The following HAPLN1 variants were observed in gnomAD, a reference collection of about 807,000 sequenced individuals.
HAPLN1 encodes the protein Cartilage link protein.
A neutral mutation model predicts 36.5 loss-of-function variants in HAPLN1; 13 were observed. That is an observed-to-expected ratio of 0.36 (90% CI 0.23 to 0.57). The LOEUF (loss-of-function observed/expected upper bound fraction) is 0.57, where lower values mean the gene tolerates loss of function less well. Ranked by LOEUF, HAPLN1 falls within the 20% of genes least tolerant of loss-of-function variation. The probability of loss-of-function intolerance (pLI) is 0.83; values close to 1 mark genes in which losing one functional copy is unlikely to be tolerated. For synonymous variants in HAPLN1, 202 were observed against 169.8 expected (o/e 1.19, Z -1.48); for missense variants, 407 against 439.7 (o/e 0.93, Z 0.66).
intron 1 of HAPLN1, among the ~76,000 whole-genome samples, chr5:83,703,168 A>G (rs909114577): frequency 4.6e-5 from 7 of 152,152 alleles, no homozygotes; most frequent in African/African-American, 1.7e-4. Flanking sequence ...CGTTAACTCC[A>G]TCTGAGATGC....
rs914078485 is a variant in HAPLN1, at chr5:83,639,253, C to A, written c.*2243G>T. ...CAAAATGAGAAGAAAAAATTCTGCTCAGCAGTATTCACTGTGTTAAGATTT... is the reference window on the plus strand; with the variant it reads ...CAAAATGAGAAGAAAAAATTCTGCTAAGCAGTATTCACTGTGTTAAGATTT... On this transcript the variant is annotated 3_prime_UTR_variant, in exon 5 of 5. Transcript: ENST00000274341. 6.6e-6 allele frequency: 1 copy of A among 151,976 alleles called. No homozygotes were observed. Among genetic ancestry groups the A allele is most frequent in the Non-Finnish European group, 1.5e-5 (1 of 67,900 alleles). 9.4% of individuals were successfully genotyped at this position (151,976 alleles called of 1,614,324 possible). A position where few individuals can be genotyped will look rare whatever the true frequency, so the allele number is the denominator to read the frequency against.
At chr5:83,719,710 A>G (rs1030020943) in intron 1 of HAPLN1, among the ~76,000 whole-genome samples, 1 of 152,250 alleles carries the variant, frequency 6.6e-6, no homozygotes, top group Non-Finnish European at 1.5e-5. Context: ...AAATACTGAA[A>G]TGACTGAAAT....
At chr5:83,713,941 A>T (rs1196170964) in intron 1 of HAPLN1, among the ~76,000 whole-genome samples, 1 of 152,190 alleles carries the variant, frequency 6.6e-6, no homozygotes, top group Non-Finnish European at 1.5e-5. Flanking sequence ...TACTGTAGTG[A>T]TTATCATTTA....
chr5:83,701,082 C>G (rs901398482), intron 1 of HAPLN1, among the ~76,000 whole-genome samples: 3 of 152,124 alleles, frequency 2.0e-5, no homozygotes, highest in African/African-American at 7.2e-5. Flanking sequence ...TCTTATAGTT[C>G]CAAGGCTCAA....
At chr5:83,676,612 C>T (rs961266614) in intron 1 of HAPLN1, among the ~76,000 whole-genome samples, 1 of 152,168 alleles carries the variant, frequency 6.6e-6, no homozygotes, top group Admixed American at 6.5e-5. Flanking sequence ...AGTAGGTGGT[C>T]ATGTGAGTAA....
chr5:83,681,859 T>C (rs1751010224), intron 1 of HAPLN1, among the ~76,000 whole-genome samples: 1 of 152,204 alleles, frequency 6.6e-6, no homozygotes, highest in Non-Finnish European at 1.5e-5. Context: ...TTAGGACTGC[T>C]TTTAAATGTA....
At chr5:83,675,948 CT>C (rs984418092) in intron 1 of HAPLN1, among the ~76,000 whole-genome samples, 2 of 152,098 alleles carry the variant, frequency 1.3e-5, no homozygotes, top group African/African-American at 4.8e-5. Flanking sequence ...CTTTTGTTGC[CT>C]TTTTAAATTC....
chr5:83,682,519 C>A (rs1042621871), intron 1 of HAPLN1: 1 of 152,172 alleles, frequency 6.6e-6, no homozygotes, highest in African/African-American at 2.4e-5. Flanking sequence ...TCTGTTCTCT[C>A]CAATGCACTT....
At chr5:83,645,741 A>AT (rs1028452550) in intron 3 of HAPLN1, among the ~76,000 whole-genome samples, 3 of 151,528 alleles carry the variant, frequency 2.0e-5, no homozygotes, top group Non-Finnish European at 4.4e-5. Flanking sequence ...CCTTAATCTT[A>AT]TTTTTTTTCC....
chr5:83,654,861 C>G (rs1475534465), intron 2 of HAPLN1, among the ~76,000 whole-genome samples: 1 of 152,112 alleles, frequency 6.6e-6, no homozygotes, highest in Non-Finnish European at 1.5e-5. Context: ...AGTTGTGCAG[C>G]CTCTAAGCCC....
At position 83,674,273 on chromosome 5, in the gene HAPLN1, A is replaced by G. The variant is rs1750809004; in HGVS notation, c.-26-724T>C. The stretch of plus-strand genomic sequence containing the variant: ...CTAAAATGCTGACGCACCAACTTAG[A>G]GTGCCAGGTAGGGTCTCTGCAGTCA... On this transcript the variant is annotated intron_variant, in intron 1 of 4. Transcript: ENST00000274341. 3 of 152,282 alleles carry G rather than the reference A, an allele frequency of 2.0e-5. No individual in the cohort carries two copies. The South Asian group carries it at 6.2e-4, about 32-fold the overall frequency. 9.4% of individuals were successfully genotyped at this position (152,282 alleles called of 1,614,324 possible).
At chr5:83,680,519 T>A (rs1750973949) in intron 1 of HAPLN1, among the ~76,000 whole-genome samples, 1 of 152,184 alleles carries the variant, frequency 6.6e-6, no homozygotes, top group Non-Finnish European at 1.5e-5. Flanking sequence ...TACATGAGAT[T>A]TCATATAGGT....
intron 1 of HAPLN1, among the ~76,000 whole-genome samples, chr5:83,717,423 C>T (rs564055683): frequency 7.2e-5 from 11 of 152,242 alleles, no homozygotes; most frequent in East Asian, 3.9e-4. Flanking sequence ...CACAACAGCA[C>T]GCCTAACTCT....
At chr5:83,652,304 G>T in intron 3 of HAPLN1, 149 bp downstream of exon 3, 1 of 720,444 alleles carries the variant, frequency 1.4e-6, no homozygotes, top group Non-Finnish European at 2.3e-6. Flanking sequence ...ATCATAGGCA[G>T]ACTGTAGAAT....
chr5:83,703,531 G>A (rs1354008333), intron 1 of HAPLN1: 1 of 152,096 alleles, frequency 6.6e-6, no homozygotes, highest in Non-Finnish European at 1.5e-5. Context: ...TTAGTAAAGT[G>A]TTCCATATTT....
intron 1 of HAPLN1, among the ~76,000 whole-genome samples, chr5:83,705,387 C>CAAAAAAAAAAA (rs762927081): frequency 8.2e-5 from 7 of 85,420 alleles, no homozygotes; most frequent in East Asian, 3.5e-4. Flanking sequence ...TGAAACGTCA[C>CAAAAAAAAAAA]AAAAAAAAAA....
At chr5:83,660,079 T>C (rs1010794283) in intron 2 of HAPLN1, among the ~76,000 whole-genome samples, 2 of 152,150 alleles carry the variant, frequency 1.3e-5, no homozygotes, top group African/African-American at 2.4e-5. Context: ...TACAGCTAAA[T>C]TGTGTTTTTA....
At chr5:83,646,008 T>C (rs1053599709) in intron 3 of HAPLN1, among the ~76,000 whole-genome samples, 1 of 152,226 alleles carries the variant, frequency 6.6e-6, no homozygotes, top group Non-Finnish European at 1.5e-5. Flanking sequence ...ATGTAAACAG[T>C]GTGACTTCGT....
chr5:83,706,668 C>A (rs907908774), intron 1 of HAPLN1, among the ~76,000 whole-genome samples: 1 of 152,124 alleles, frequency 6.6e-6, no homozygotes, highest in Non-Finnish European at 1.5e-5. Flanking sequence ...TGAAAACCAG[C>A]ACAAAACAAG....
Sources: gnomAD v4.1 joint callset for allele counts (sites outside exome capture counted in the v4.1 genomes callset) on GRCh38, gnomAD v4.1.1 for gene constraint, MANE v1.5 for transcripts, NCBI Gene and HGNC (gene_info 2026-07-23, HGNC 2026-07-21) for gene names.